NLGN1: variants seen among roughly 807,000 people sequenced by gnomAD.
NLGN1 encodes the protein neuroligin-1.
In NLGN1, 12 loss-of-function variants were observed where a neutral mutation model predicts 65.5. The observed-to-expected ratio is 0.18, with a 90% CI of 0.12 to 0.30. The LOEUF (loss-of-function observed/expected upper bound fraction) is 0.30, where lower values mean the gene tolerates loss of function less well. Among genes scored for constraint, NLGN1 ranks in the 10% least tolerant of loss-of-function variants. The probability of loss-of-function intolerance (pLI) is 1.00; values close to 1 mark genes in which losing one functional copy is unlikely to be tolerated. For missense variants in NLGN1, 750 were observed against 1,007.1 expected, an observed-to-expected ratio of 0.74 and a Z score of 3.46; for synonymous variants, 350 against 359.5, an observed-to-expected ratio of 0.97 and a Z score of 0.30.
intron 2 of NLGN1, among the ~76,000 whole-genome samples, chr3:173,443,558 G>A (rs1719624439): frequency 6.6e-6 from 1 of 151,966 alleles, no homozygotes; most frequent in African/African-American, 2.4e-5. Flanking sequence ...TATCAATAAG[G>A]ATGCACACAG....
intron 1 of NLGN1, among the ~76,000 whole-genome samples, chr3:173,401,083 T>C (rs1162316352): frequency 6.6e-6 from 1 of 152,204 alleles, no homozygotes; most frequent in Non-Finnish European, 1.5e-5. Context: ...AACAGTATTC[T>C]ACCTCAGGGT....
At chr3:174,157,438 GT>G (rs1250652097) in intron 4 of NLGN1, among the ~76,000 whole-genome samples, 1 of 151,372 alleles carries the variant, frequency 6.6e-6, no homozygotes, top group Non-Finnish European at 1.5e-5. Flanking sequence ...TTGATGAAAG[GT>G]TTTTAAAAAA....
intron 3 of NLGN1, chr3:173,605,562 A>G: frequency 1.6e-6 from 2 of 1,287,356 alleles, no homozygotes; most frequent in Non-Finnish European, 2.0e-6. Context: ...AATGTGCCAG[A>G]AAGCCCGGCA....
chr3:173,728,274 T>A (rs1772163558), intron 3 of NLGN1, among the ~76,000 whole-genome samples: 1 of 151,848 alleles, frequency 6.6e-6, no homozygotes, highest in African/African-American at 2.4e-5. Flanking sequence ...ACTATGAAAG[T>A]CCTAAGAAAC....
At position 173,994,240 on chromosome 3, in the gene NLGN1, T is replaced by G. The variant is rs141345717; in HGVS notation, c.646+186408T>G. Among the ~76,000 whole-genome samples the G allele has an allele frequency of 1.3e-3, 204 of 152,040 alleles. 2 individuals are homozygous for G. Among genetic ancestry groups the G allele is most frequent in the Middle Eastern group, 6.8e-3 (2 of 294 alleles). ...CTACTGCCTCTGCCTCCTGAGCAGC[T>G]GAGACTACAAGAGTGCACCACCATG... On this transcript the variant is annotated intron_variant, in intron 4 of 6. Coordinates refer to ENST00000457714, the Ensembl canonical transcript of NLGN1.
At chr3:173,697,333 T>G (rs1394816661) in intron 3 of NLGN1, among the ~76,000 whole-genome samples, 1 of 152,176 alleles carries the variant, frequency 6.6e-6, no homozygotes, top group East Asian at 1.9e-4. Context: ...TGTGTTTCCT[T>G]AGGCAATCTG....
At chr3:173,538,374 C>T (rs1043498005) in intron 2 of NLGN1, among the ~76,000 whole-genome samples, 1 of 152,188 alleles carries the variant, frequency 6.6e-6, no homozygotes, top group African/African-American at 2.4e-5. Flanking sequence ...CACTGCTGCA[C>T]TTCTTTTGCT....
At chr3:174,078,237 G>T (rs889946869) in intron 4 of NLGN1, among the ~76,000 whole-genome samples, 5 of 152,144 alleles carry the variant, frequency 3.3e-5, no homozygotes, top group Non-Finnish European at 5.9e-5. Flanking sequence ...AGGATGACTA[G>T]TATGTGTGTC....
chr3:174,264,558 A>AT (rs1327487163), intron 4 of NLGN1, among the ~76,000 whole-genome samples: 1 of 148,064 alleles, frequency 6.8e-6, no homozygotes. Context: ...ACTTCTCTGT[A>AT]TTGGTTATTC....
intron 4 of NLGN1, among the ~76,000 whole-genome samples, chr3:174,030,266 C>T (rs553081954): frequency 1.3e-5 from 2 of 152,018 alleles, no homozygotes; most frequent in East Asian, 3.9e-4. Context: ...GCTGGGATTA[C>T]AGGCATGTGC....
intron 4 of NLGN1, among the ~76,000 whole-genome samples, chr3:174,094,669 A>C (rs1294195584): frequency 6.7e-6 from 1 of 149,456 alleles, no homozygotes; most frequent in Non-Finnish European, 1.5e-5. Flanking sequence ...GTTATACCCT[A>C]TTAAACCTTG....
In NLGN1 at chr3:173,913,012, G is replaced by A. The variant is rs142264813; in HGVS notation, c.646+105180G>A. 2.1e-4 allele frequency among the ~76,000 whole-genome samples: 32 copies of A among 152,176 alleles called. No homozygotes were observed. The East Asian group carries it at 3.5e-3, about 17-fold the overall frequency. ...AATGGCTCACACCACCAACAACAGC[G>A]ACTAGAATGCATTTAAAATCCCTCT... On this transcript the variant is annotated intron_variant, in intron 4 of 6. Coordinates refer to ENST00000457714, the Ensembl canonical transcript of NLGN1.
intron 4 of NLGN1, among the ~76,000 whole-genome samples, chr3:174,138,573 G>C (rs532747982): frequency 6.6e-6 from 1 of 151,448 alleles, no homozygotes; most frequent in African/African-American, 2.4e-5. Context: ...TAGCTGGGAC[G>C]ACAGGCCCCC....
intron 3 of NLGN1, among the ~76,000 whole-genome samples, chr3:173,754,294 G>A (rs1285093577): frequency 1.3e-5 from 2 of 151,672 alleles, no homozygotes; most frequent in Non-Finnish European, 2.9e-5. Flanking sequence ...TACCCGCCTT[G>A]GGCTTCCAAA....
chr3:173,754,204 G>A (rs1776758604), intron 3 of NLGN1, among the ~76,000 whole-genome samples: 2 of 151,452 alleles, frequency 1.3e-5, no homozygotes, highest in Admixed American at 1.3e-4. Context: ...AGGCCACCAT[G>A]CCTGGCTAAC....
chr3:173,554,712 A>G (rs775986219), intron 2 of NLGN1, among the ~76,000 whole-genome samples: 1 of 152,172 alleles, frequency 6.6e-6, no homozygotes, highest in African/African-American at 2.4e-5. Context: ...GTTCCTTTGA[A>G]AAAAGCTGCT....
chr3:174,014,210 A>G (rs1726099032), intron 4 of NLGN1, among the ~76,000 whole-genome samples: 1 of 152,208 alleles, frequency 6.6e-6, no homozygotes, highest in South Asian at 2.1e-4. Flanking sequence ...AAAAATAGTC[A>G]AATCACCTCC....
intron 4 of NLGN1, among the ~76,000 whole-genome samples, chr3:174,109,962 A>G (rs1384795327): frequency 1.3e-5 from 2 of 152,092 alleles, no homozygotes; most frequent in Non-Finnish European, 2.9e-5. Context: ...ATAATTAAAG[A>G]CATTTTAAAG....
intron 2 of NLGN1, among the ~76,000 whole-genome samples, chr3:173,464,585 A>G (rs764085849): frequency 6.6e-6 from 1 of 151,638 alleles, no homozygotes; most frequent in Non-Finnish European, 1.5e-5. Flanking sequence ...ACAGGTGTGC[A>G]CCACCATGCC....
Sources: gnomAD v4.1 joint callset for allele counts (sites outside exome capture counted in the v4.1 genomes callset) on GRCh38, gnomAD v4.1.1 for gene constraint, MANE v1.5 for transcripts, NCBI Gene and HGNC (gene_info 2026-07-23, HGNC 2026-07-21) for gene names.